SESTD1: variants seen among roughly 807,000 people sequenced by gnomAD.
The protein encoded by SESTD1 is SEC14 domain and spectrin repeat-containing protein 1.
A neutral mutation model predicts 101.7 loss-of-function variants in SESTD1; 43 were observed. The observed-to-expected ratio is 0.42, with a 90% confidence interval of 0.33 to 0.55. SESTD1 has a LOEUF of 0.55. SESTD1 is among the 20% of genes least tolerant of loss of function. The probability of loss-of-function intolerance (pLI) is 0.07; values close to 1 mark genes in which losing one functional copy is unlikely to be tolerated. For synonymous variants in SESTD1, 283 were observed against 286.8 expected (o/e 0.99, Z 0.13); for missense variants, 647 against 815.1 (o/e 0.79, Z 2.51).
intron 1 of SESTD1, among the ~76,000 whole-genome samples, chr2:179,236,348 A>T (rs2047065633): frequency 6.7e-6 from 1 of 149,572 alleles, no homozygotes; most frequent in Non-Finnish European, 1.5e-5. Flanking sequence ...AAAAAAAAAA[A>T]AAGCTGGGCA....
At chr2:179,124,930 G>C (rs2044836339) in intron 10 of SESTD1, among the ~76,000 whole-genome samples, 1 of 152,064 alleles carries the variant, frequency 6.6e-6, no homozygotes, top group African/African-American at 2.4e-5. Context: ...TATCCCCTTT[G>C]AAGTGCATGC....
chr2:179,228,049 G>A (rs1445254983), intron 1 of SESTD1, among the ~76,000 whole-genome samples: 1 of 152,096 alleles, frequency 6.6e-6, no homozygotes, highest in African/African-American at 2.4e-5. Flanking sequence ...CATCCTTCCT[G>A]AACAGCCTCC....
intron 9 of SESTD1, among the ~76,000 whole-genome samples, chr2:179,134,130 C>T (rs911036432): frequency 4.6e-5 from 7 of 152,086 alleles, no homozygotes; most frequent in Non-Finnish European, 8.8e-5. Flanking sequence ...GTCTGCAGGG[C>T]GTCCTTGAAC....
At chr2:179,155,420 T>C (rs915783591) in intron 5 of SESTD1, among the ~76,000 whole-genome samples, 2 of 152,132 alleles carry the variant, frequency 1.3e-5, no homozygotes, top group African/African-American at 4.8e-5. Flanking sequence ...TGAGCATGAA[T>C]TCACATCTGA....
At chr2:179,221,691 G>A (rs1157164593) in intron 1 of SESTD1, among the ~76,000 whole-genome samples, 2 of 151,288 alleles carry the variant, frequency 1.3e-5, no homozygotes, top group African/African-American at 4.9e-5. Context: ...ACCAAGGTGA[G>A]AGGACTGTAT....
chr2:179,161,393 T>C (rs1325974680), intron 5 of SESTD1, among the ~76,000 whole-genome samples: 5 of 152,316 alleles, frequency 3.3e-5, no homozygotes, highest in East Asian at 1.9e-4. Flanking sequence ...AGATTACACA[T>C]ACATCACATT....
intron 9 of SESTD1, 73 bp from the exon 10 acceptor site, chr2:179,132,499 T>TC: frequency 1.3e-6 from 2 of 1,505,504 alleles, no homozygotes; most frequent in Non-Finnish European, 1.8e-6. Context: ...AACTTATTTT[T>TC]CCCCTCCCAA....
chr2:179,245,507 C>A (rs1328392108), intron 1 of SESTD1, among the ~76,000 whole-genome samples: 18 of 120,128 alleles, frequency 1.5e-4, no homozygotes, highest in Admixed American at 9.4e-5. Flanking sequence ...CAGAGTGAGA[C>A]TCTGTCTCAA....
intron 3 of SESTD1, among the ~76,000 whole-genome samples, chr2:179,178,161 T>C (rs965481095): frequency 1.3e-5 from 2 of 152,188 alleles, no homozygotes; most frequent in African/African-American, 4.8e-5. Flanking sequence ...AATCACCGAA[T>C]TGTCTACTTT....
intron 14 of SESTD1, 113 bp downstream of exon 14, chr2:179,117,419 G>T: frequency 1.2e-6 from 1 of 864,710 alleles, no homozygotes; most frequent in South Asian, 1.8e-5. Flanking sequence ...ACTAGAACCT[G>T]ACTTCAAGAA....
chr2:179,124,475 T>C lies in SESTD1; in HGVS notation c.1056A>G (p.Leu352=), dbSNP rs1166549490. The change falls in exon 11 of 18, where the codon CTA becomes CTG. Residue 352 remains leucine (L), a synonymous_variant. Coordinates refer to ENST00000428443, the MANE Select transcript of SESTD1 (RefSeq NM_178123.5). ...CACTAAGTTGTTGCTGCAGTGACTTTAGTTCCACAAGATCTTCCTCATCGC... is the reference window on the plus strand; with the variant it reads ...CACTAAGTTGTTGCTGCAGTGACTTCAGTTCCACAAGATCTTCCTCATCGC... ...NAGDEEDLVE[L]KSLQQQLSDV... is the part of the protein sequence containing the mutation. 2 of 1,614,128 alleles carry C rather than the reference T, an allele frequency of 1.2e-6. No individual in the cohort carries two copies. The highest frequency in any genetic ancestry group is 3.3e-5 in the Admixed American group (2 of 60,026).
At chr2:179,190,950 G>A (rs183144872) in intron 2 of SESTD1, among the ~76,000 whole-genome samples, 570 of 152,282 alleles carry the variant, frequency 3.7e-3, no homozygotes, top group Non-Finnish European at 6.8e-3. Context: ...TCAGTAACTG[G>A]AGAAAGCAGT....
chr2:179,160,058 T>C (rs923840425), intron 5 of SESTD1, among the ~76,000 whole-genome samples: 1 of 152,130 alleles, frequency 6.6e-6, no homozygotes, highest in African/African-American at 2.4e-5. Context: ...GGTTTCACCA[T>C]TTTGGCCAGG....
chr2:179,230,577 T>TA (rs1278312649), intron 1 of SESTD1, among the ~76,000 whole-genome samples: 1 of 150,586 alleles, frequency 6.6e-6, no homozygotes, highest in Non-Finnish European at 1.5e-5. Flanking sequence ...AAAAATAGAG[T>TA]AAAACCTTAA....
At chr2:179,258,661 A>C (rs1006593117) in intron 1 of SESTD1, among the ~76,000 whole-genome samples, 1 of 152,164 alleles carries the variant, frequency 6.6e-6, no homozygotes, top group African/African-American at 2.4e-5. Context: ...CTCAGCTCTC[A>C]CACACACATG....
In SESTD1 at chr2:179,183,169, A is replaced by G. The variant is rs1160810240; in HGVS notation, c.75T>C (p.Ser25=). Residue 25 remains serine (S), a synonymous_variant, in exon 3 of 18, where the codon AGT becomes AGC. Transcript: ENST00000428443. ...ATAATGGAATTGTCAAAATGAGGCC[A>G]CTCCGTCTGTCTTTTCCTCCTATTA... The part of the protein sequence containing the change: ...AFLSGGKDRR[S]GLILTIPLCL... 6.2e-7 allele frequency: 1 copy of G among 1,611,070 alleles called. No homozygotes were observed. Among genetic ancestry groups the G allele is most frequent in the Non-Finnish European group, 8.5e-7 (1 of 1,178,380 alleles).
intron 1 of SESTD1, among the ~76,000 whole-genome samples, chr2:179,256,811 C>CAAA (rs368195849): frequency 0.11 from 8,496 of 76,278 alleles, 451 homozygotes; most frequent in South Asian, 0.17. Context: ...GACTCCACCT[C>CAAA]AAAAAAAAAA....
In SESTD1 at chr2:179,110,058, AG is replaced by A. The variant is rs777384868; in HGVS notation, c.1962-31del. 608 of 1,609,616 alleles carry A rather than the reference AG, an allele frequency of 3.8e-4. 1 individual carries two copies. Among genetic ancestry groups the A allele is most frequent in the Non-Finnish European group, 4.7e-4 (550 of 1,177,828 alleles). ...AAATCAAAACACACAGAAAAACCTC[AG>A]ATTAATACAAATCTATTAACTGCAG... is the stretch of plus-strand genomic sequence containing the variant. On this transcript the variant is annotated intron_variant, in intron 17 of 17. Coordinates refer to ENST00000428443, the MANE Select transcript of SESTD1 (RefSeq NM_178123.5).
chr2:179,116,342 G>A (rs1306372206), intron 15 of SESTD1, among the ~76,000 whole-genome samples: 1 of 151,620 alleles, frequency 6.6e-6, no homozygotes, highest in East Asian at 1.9e-4. Flanking sequence ...CTAGTGTGAT[G>A]CAGAAAGTGA....
Sources: gnomAD v4.1 joint callset for allele counts (sites outside exome capture counted in the v4.1 genomes callset) on GRCh38, gnomAD v4.1.1 for gene constraint, MANE v1.5 for transcripts, NCBI Gene and HGNC (gene_info 2026-07-23, HGNC 2026-07-21) for gene names.